RORA: variants seen among roughly 807,000 people sequenced by gnomAD.
The protein encoded by RORA is RAR related orphan receptor A.
Under a neutral mutation model 69.5 loss-of-function variants are expected in RORA, and 7 were observed. The observed-to-expected ratio is 0.10, with a 90% CI of 0.06 to 0.19. The LOEUF (loss-of-function observed/expected upper bound fraction) is 0.19. Among genes scored for constraint, RORA ranks in the 10% least tolerant of loss-of-function variants. RORA has a pLI of 1.00. For missense variants in RORA, 457 were observed against 663.0 expected (o/e 0.69, Z 3.41); for synonymous variants, 261 against 240.8 (o/e 1.08, Z -0.78).
intron 1 of RORA, among the ~76,000 whole-genome samples, chr15:60,959,463 T>C (rs538056820): frequency 2.2e-4 from 33 of 152,294 alleles, no homozygotes; most frequent in African/African-American, 7.9e-4. Context: ...TTAGGCAACA[T>C]CAGTGTGTCC....
chr15:61,003,985 T>C (rs1198647147), intron 1 of RORA, among the ~76,000 whole-genome samples: 1 of 147,178 alleles, frequency 6.8e-6, no homozygotes, highest in African/African-American at 2.6e-5. Flanking sequence ...ATGAGAAATC[T>C]TTTTTCATGG....
chr15:60,807,121 T>C (rs879847600), intron 1 of RORA, among the ~76,000 whole-genome samples: 5 of 152,180 alleles, frequency 3.3e-5, no homozygotes, highest in Non-Finnish European at 5.9e-5. Flanking sequence ...GAAGTCAAAC[T>C]GTTGCTGTTT....
At chr15:60,562,179 C>G (rs920007303) in intron 2 of RORA, among the ~76,000 whole-genome samples, 12 of 152,138 alleles carry the variant, frequency 7.9e-5, no homozygotes, top group African/African-American at 2.9e-4. Flanking sequence ...AGGTGATCTG[C>G]CCGCCTTGAC....
At chr15:60,609,546 A>T (rs1314218730) in intron 2 of RORA, among the ~76,000 whole-genome samples, 1 of 152,200 alleles carries the variant, frequency 6.6e-6, no homozygotes, top group Admixed American at 6.5e-5. Context: ...TGGAAAGTCC[A>T]TAAGATGGAA....
In RORA at chr15:60,537,793, T is replaced by G. The variant is rs2141480936; in HGVS notation, c.197-5942A>C. Among the ~76,000 whole-genome samples the G allele has an allele frequency of 6.6e-6, 1 of 152,366 alleles. No individual in the cohort carries two copies. The highest frequency in any genetic ancestry group is 1.9e-4 in the East Asian group (1 of 5,188). Reference sequence around the variant, plus strand: ...ATTATTTTCTTCTCTTGATTTTGGATTCTTTCATGACAGTATTTCATCCTT... The same window carrying G: ...ATTATTTTCTTCTCTTGATTTTGGAGTCTTTCATGACAGTATTTCATCCTT... On this transcript the variant is annotated intron_variant, in intron 2 of 10. Coordinates refer to ENST00000335670, the MANE Select transcript of RORA (RefSeq NM_134261.3). This position sits in a 1 kb window ranked among gnomAD's most constrained non-coding sequence, Gnocchi z 4.9.
chr15:60,711,836 A>T (rs4775288), intron 1 of RORA, among the ~76,000 whole-genome samples: 11 of 152,198 alleles, frequency 7.2e-5, no homozygotes, highest in Non-Finnish European at 1.6e-4. Flanking sequence ...TTACTAGGAA[A>T]ATCCAACATT....
chr15:61,118,834 C>T (rs1335331557), intron 1 of RORA, among the ~76,000 whole-genome samples: 5 of 151,740 alleles, frequency 3.3e-5, no homozygotes, highest in African/African-American at 1.2e-4. Flanking sequence ...TTTTTTGAAA[C>T]GAGTATTTTC....
rs539044505 is a variant in RORA, at chr15:60,703,258, T to G, written c.167-24572A>C. Among the ~76,000 whole-genome samples, 155 of 152,216 alleles carry G rather than the reference T, an allele frequency of 1.0e-3. 1 individual carries two copies. The highest frequency in any genetic ancestry group is 3.5e-3 in the African/African-American group (147 of 41,530). On this transcript the variant is annotated intron_variant, in intron 1 of 10. Transcript: ENST00000335670. ...AAGAAGCACTTAATTTTGTTCTCAT[T>G]AAGTCGCAGGGTTAAGGGCTTTACC...
intron 1 of RORA, among the ~76,000 whole-genome samples, chr15:60,947,729 G>A (rs920546118): frequency 2.7e-5 from 4 of 148,874 alleles, no homozygotes; most frequent in African/African-American, 7.4e-5. Context: ...AAAAAGGGCC[G>A]TTTTCCAGAA....
At chr15:60,816,075 A>T (rs934620989) in intron 1 of RORA, among the ~76,000 whole-genome samples, 2 of 134,132 alleles carry the variant, frequency 1.5e-5, no homozygotes, top group African/African-American at 5.7e-5. Context: ...TACTATAAAC[A>T]GTATATGTAT....
chr15:60,605,669 TAGC>T (rs1457201910), intron 2 of RORA, among the ~76,000 whole-genome samples: 1 of 152,176 alleles, frequency 6.6e-6, no homozygotes, highest in Non-Finnish European at 1.5e-5. Context: ...AGCAAGCTAA[TAGC>T]AGGGAGGGAG....
At chr15:60,598,620 T>G (rs900048803) in intron 2 of RORA, 13 of 152,264 alleles carry the variant, frequency 8.5e-5, no homozygotes, top group African/African-American at 3.1e-4. Flanking sequence ...ACAAAATATA[T>G]GTTAATTGAT....
Position 61,089,385 on chromosome 15 carries a change from T to A in RORA, c.166+139668A>T, listed in dbSNP as rs116562047. Among the ~76,000 whole-genome samples, 1,388 of 152,328 alleles carry A rather than the reference T, an allele frequency of 9.1e-3. 32 individuals are homozygous for A. Among genetic ancestry groups the A allele is most frequent in the African/African-American group, 0.032 (1,311 of 41,568 alleles). ...ACATCCTGTTTCTCACAGATGTAGC[T>A]TTGTTCATTGCTTTTTCTTGCATGA... On this transcript the variant is annotated intron_variant, in intron 1 of 10. Coordinates refer to ENST00000335670, the MANE Select transcript of RORA (RefSeq NM_134261.3).
intron 2 of RORA, among the ~76,000 whole-genome samples, chr15:60,669,646 C>G (rs953378722): frequency 9.5e-6 from 1 of 104,724 alleles, no homozygotes; most frequent in Non-Finnish European, 2.1e-5. Context: ...CCAGTCAGAC[C>G]GATCTACACA....
At chr15:60,692,864 C>G (rs983957260) in intron 1 of RORA, among the ~76,000 whole-genome samples, 1 of 152,194 alleles carries the variant, frequency 6.6e-6, no homozygotes, top group Non-Finnish European at 1.5e-5. Context: ...TGAATTCTAC[C>G]AGAGCTACAA....
At chr15:61,183,474 G>C (rs1342445230) in intron 1 of RORA, among the ~76,000 whole-genome samples, 1 of 150,070 alleles carries the variant, frequency 6.7e-6, no homozygotes, top group South Asian at 2.1e-4. Flanking sequence ...GGGAGAAGTT[G>C]CAGTGAGCCT....
intron 1 of RORA, among the ~76,000 whole-genome samples, chr15:60,886,603 C>T (rs1194536014): frequency 6.6e-6 from 1 of 152,178 alleles, no homozygotes; most frequent in African/African-American, 2.4e-5. Flanking sequence ...AATATGTCAA[C>T]CCATTTGTTT....
chr15:61,116,213 G>C (rs1054261503), intron 1 of RORA, among the ~76,000 whole-genome samples: 1 of 152,160 alleles, frequency 6.6e-6, no homozygotes, highest in African/African-American at 2.4e-5. Flanking sequence ...AGATGGCATT[G>C]GAATGAAGAC....
At chr15:61,088,865 C>G (rs142157799) in intron 1 of RORA, among the ~76,000 whole-genome samples, 29 of 152,320 alleles carry the variant, frequency 1.9e-4, no homozygotes, top group Admixed American at 1.4e-3. Context: ...CTGAAAAGCA[C>G]AGCCAAACCT....
Sources: gnomAD v4.1 joint callset for allele counts (sites outside exome capture counted in the v4.1 genomes callset) on GRCh38, gnomAD v4.1.1 for gene constraint, Gnocchi (gnomAD v3.1) non-coding constraint, MANE v1.5 for transcripts, NCBI Gene and HGNC (gene_info 2026-07-23, HGNC 2026-07-21) for gene names.